DNASE1: variants seen among roughly 807,000 people sequenced by gnomAD.
DNASE1 encodes deoxyribonuclease-1.
DNASE1 carries 40 observed loss-of-function variants against 33.9 expected under a neutral mutation model. That is an observed-to-expected ratio of 1.18 (90% CI 0.92 to 1.54). The LOEUF (loss-of-function observed/expected upper bound fraction) is 1.54, where lower values mean the gene tolerates loss of function less well. Among genes scored for constraint, DNASE1 ranks in the 40% most tolerant of loss-of-function variants. DNASE1 has a pLI of 0.00. For missense variants in DNASE1, 518 were observed against 372.6 expected (o/e 1.39, Z -3.21); for synonymous variants, 216 against 160.0 (o/e 1.35, Z -2.64).
At chr16:3,655,336 C>T in intron 1 of DNASE1, 37 bp from the exon 2 acceptor site, 1 of 1,613,212 alleles carries the variant, frequency 6.2e-7, no homozygotes, top group Non-Finnish European at 8.5e-7. Flanking sequence ...GATGACGTCT[C>T]ACTTCTGTTA....
chr16:3,661,720 A>G, downstream of DNASE1: 1 of 388,828 alleles, frequency 2.6e-6, no homozygotes. Context: ...GGACACGCAC[A>G]GGTGGCAAAG....
At chr16:3,651,098 C>T (rs184153936), upstream of DNASE1, 1 of 152,266 alleles carries the variant, frequency 6.6e-6, no homozygotes, top group East Asian at 1.9e-4. Context: ...TAGAAGGGTA[C>T]CCTCCCTGGC....
At chr16:3,658,943 G>C (rs746774026), downstream of DNASE1, 212 of 1,478,502 alleles carry the variant, frequency 1.4e-4, no homozygotes, top group Non-Finnish European at 1.9e-4. Flanking sequence ...GGGATTATCA[G>C]GATATTTAAA....
rs2042493445 is a variant in DNASE1, at chr16:3,654,849, C to G, written c.-197C>G. Reference sequence around the variant, plus strand: ...GTCACAGCTGCCTGAACTTTTAAAACTCCCAGACACGCACTGCCTGTGCAG... The same window carrying G: ...GTCACAGCTGCCTGAACTTTTAAAAGTCCCAGACACGCACTGCCTGTGCAG... On this transcript the variant is annotated 5_prime_UTR_variant, in exon 1 of 9. Coordinates refer to ENST00000246949, the MANE Select transcript of DNASE1 (RefSeq NM_005223.4). 4.9e-6 allele frequency: 2 copies of G among 406,238 alleles called. No homozygotes were observed. The highest frequency in any genetic ancestry group is 8.7e-6 in the Non-Finnish European group (2 of 231,204). 25.2% of individuals were successfully genotyped at this position (406,238 alleles called of 1,614,324 possible).
chr16:3,635,708 GT>G (rs544957481), intron 1 of DNASE1, among the ~76,000 whole-genome samples: 2,643 of 143,278 alleles, frequency 0.018, 47 homozygotes, highest in African/African-American at 0.051. Flanking sequence ...GGTTAATAGG[GT>G]TTTTTTTTTT....
At chr16:3,661,836 C>T, downstream of DNASE1, 2 of 1,023,214 alleles carry the variant, frequency 2.0e-6, no homozygotes, top group Non-Finnish European at 2.6e-6. Flanking sequence ...CACATGGGTG[C>T]AGCCTAAACT....
At chr16:3,636,381 C>A (rs1335565901) in intron 1 of DNASE1, among the ~76,000 whole-genome samples, 1 of 152,266 alleles carries the variant, frequency 6.6e-6, no homozygotes, top group East Asian at 1.9e-4. Context: ...TGTTTTAAAT[C>A]AGAGTTGTTA....
At chr16:3,662,929 T>C (rs371118456), downstream of DNASE1, 44 of 1,612,904 alleles carry the variant, frequency 2.7e-5, no homozygotes, top group Non-Finnish European at 3.7e-5. Context: ...ATCCAGGCCA[T>C]GAGCTCCTCC....
At chr16:3,642,914 T>C (rs1596610892), upstream of DNASE1, 4 of 152,620 alleles carry the variant, frequency 2.6e-5, no homozygotes, top group Non-Finnish European at 5.9e-5. Flanking sequence ...CTGCGTCTGG[T>C]GTGGAAGAGC....
At chr16:3,647,603 T>C (rs942885082) in intron 1 of DNASE1, among the ~76,000 whole-genome samples, 6 of 152,152 alleles carry the variant, frequency 3.9e-5, no homozygotes, top group African/African-American at 1.4e-4. Flanking sequence ...AAAACTAGTA[T>C]TACACATCTT....
chr16:3,639,798 A>G (rs146321163), upstream of DNASE1, among the ~76,000 whole-genome samples: 1 of 152,330 alleles, frequency 6.6e-6, no homozygotes, highest in African/African-American at 2.4e-5. Context: ...GTGGTGGCTC[A>G]TGCCTGTAAT....
chr16:3,664,416 G>A lies in DNASE1; in HGVS notation c.*6463G>A, dbSNP rs200185978. The A allele has an allele frequency of 1.4e-5, 23 of 1,612,170 alleles. 1 individual carries two copies. In the African/African-American group the frequency reaches 1.7e-4, roughly 12 times the overall value. On this transcript the variant is annotated 3_prime_UTR_variant, in exon 10 of 10. Coordinates refer to the DNASE1 transcript ENST00000407479. Reference sequence around the variant, plus strand: ...TGAGAGGCTGGTTAGCTGCCCGGAGGGCAGCGCCGAGGACTCGTAGCGCAG... The same window carrying A: ...TGAGAGGCTGGTTAGCTGCCCGGAGAGCAGCGCCGAGGACTCGTAGCGCAG...
At chr16:3,631,459 C>T (rs983542625) in intron 1 of DNASE1, among the ~76,000 whole-genome samples, 3 of 152,148 alleles carry the variant, frequency 2.0e-5, no homozygotes, top group Non-Finnish European at 4.4e-5. Flanking sequence ...CCTGCCTCGG[C>T]CTCCCAAAGT....
intron 5 of DNASE1, 75 bp from the exon 6 acceptor site, chr16:3,656,924 A>G (rs559267422): frequency 1.3e-6 from 2 of 1,574,058 alleles, no homozygotes; most frequent in Admixed American, 1.9e-5. Flanking sequence ...CTGTCATGAT[A>G]CATAGTTCCA....
At chr16:3,613,814 T>C (rs916361004) in intron 1 of DNASE1, among the ~76,000 whole-genome samples, 3 of 152,026 alleles carry the variant, frequency 2.0e-5, no homozygotes, top group Non-Finnish European at 2.9e-5. Flanking sequence ...AGCGCAGTGG[T>C]GTGTGCAACC....
At chr16:3,664,841 C>T (rs2050791778) in exon 10 of DNASE1, 1 of 200,624 alleles carries the variant, frequency 5.0e-6, no homozygotes, top group Non-Finnish European at 1.0e-5. Flanking sequence ...GTCCACGGTT[C>T]CCGGCCCTCC....
At chr16:3,658,495 A>G (rs565097227), downstream of DNASE1, 1 of 572,178 alleles carries the variant, frequency 1.7e-6, no homozygotes, top group African/African-American at 1.9e-5. Flanking sequence ...CATCCTGGCC[A>G]AGATGGTGAA....
downstream of DNASE1, chr16:3,659,118 A>G (rs1279187791): frequency 9.3e-6 from 4 of 430,320 alleles, no homozygotes. Flanking sequence ...TAAAGGGACA[A>G]AAGGAGCTTA....
chr16:3,638,531 TGTTTCACCG>T (rs965309127), upstream of DNASE1, among the ~76,000 whole-genome samples: 12 of 152,244 alleles, frequency 7.9e-5, no homozygotes, highest in African/African-American at 2.9e-4. Flanking sequence ...GTAGAGACGG[TGTTTCACCG>T]TGTTAGCCAG....
Sources: gnomAD v4.1 joint callset for allele counts (sites outside exome capture counted in the v4.1 genomes callset) on GRCh38, gnomAD v4.1.1 for gene constraint, MANE v1.5 for transcripts, NCBI Gene and HGNC (gene_info 2026-07-23, HGNC 2026-07-21) for gene names.